The following MYO1A variants were observed in gnomAD, a reference collection of about 807,000 sequenced individuals.
MYO1A encodes myosin IA, also known as unconventional myosin-Ia.
In MYO1A, 127 loss-of-function variants were observed where a neutral mutation model predicts 138.5. The observed-to-expected ratio is 0.92, with a 90% confidence interval of 0.79 to 1.06. The LOEUF (loss-of-function observed/expected upper bound fraction) is 1.06, where lower values mean the gene tolerates loss of function less well. Among genes scored for constraint, MYO1A ranks in the 50% least tolerant of loss-of-function variants. The pLI, the probability that MYO1A is intolerant of heterozygous loss-of-function variation, is 0.00. For missense variants in MYO1A, 1,211 were observed against 1,288.8 expected (o/e 0.94, Z 0.92); for synonymous variants, 477 against 497.5 (o/e 0.96, Z 0.55).
At chr12:57,048,486 C>A in intron 1 of MYO1A, 143 bp from the exon 2 acceptor site, 1 of 662,770 alleles carries the variant, frequency 1.5e-6, no homozygotes, top group East Asian at 2.7e-5. Flanking sequence ...CTAGGAGAGG[C>A]CTCTGGACCA....
chr12:57,036,183 T>G (rs897169368), intron 22 of MYO1A, 124 bp downstream of exon 22: 8 of 967,908 alleles, frequency 8.3e-6, no homozygotes, highest in Non-Finnish European at 1.3e-5. Flanking sequence ...TCCTAGGACT[T>G]AAGTACATGC....
At chr12:57,033,829 A>G (rs2030404581) in intron 22 of MYO1A, among the ~76,000 whole-genome samples, 1 of 152,250 alleles carries the variant, frequency 6.6e-6, no homozygotes, top group South Asian at 2.1e-4. Context: ...GGCAGAATAC[A>G]TAGTATATTG....
At chr12:57,035,270 G>A (rs1379060028) in intron 22 of MYO1A, among the ~76,000 whole-genome samples, 1 of 152,210 alleles carries the variant, frequency 6.6e-6, no homozygotes, top group Non-Finnish European at 1.5e-5. Context: ...AGCATGTATG[G>A]TGGGAAGGCA....
chr12:57,030,727 G>T (rs542653096), intron 23 of MYO1A, among the ~76,000 whole-genome samples: 1 of 152,320 alleles, frequency 6.6e-6, no homozygotes, highest in Non-Finnish European at 1.5e-5. Flanking sequence ...ACAGAAAGTA[G>T]ATTATAAGAT....
rs138440542 is a variant in MYO1A at position 57,047,747 on chromosome 12, CTA to C, written c.231-28_231-27del. 176 of 1,613,760 alleles carry C rather than the reference CTA, an allele frequency of 1.1e-4. No homozygotes were observed. In the African/African-American group the frequency reaches 2.0e-3, roughly 19 times the overall value. On this transcript the variant is annotated intron_variant, in intron 3 of 27. Transcript: ENST00000300119. The stretch of plus-strand genomic sequence containing the variant: ...CTTGTGGGGAGGAAGTGGGCAATGA[CTA>C]TTGTGAAACCAGTTCAAGACACCAT...
chr12:57,031,438 G>C (rs2030281339), intron 22 of MYO1A, among the ~76,000 whole-genome samples: 1 of 152,202 alleles, frequency 6.6e-6, no homozygotes. Context: ...ACCCAGGGCA[G>C]TGAGGTAAGA....
At position 57,050,021 on chromosome 12, in the gene MYO1A, A is replaced by C. The variant is rs2031282499; in HGVS notation, c.-155T>G. The C allele has an allele frequency of 6.6e-6, 1 of 152,360 alleles. No homozygotes were observed. The highest frequency in any genetic ancestry group is 6.5e-5 in the Admixed American group (1 of 15,286). The allele number at this position is 152,360 out of a possible 1,614,324, so 9.4% of individuals were successfully genotyped here. On this transcript the variant is annotated 5_prime_UTR_variant, in exon 1 of 28. Transcript: ENST00000300119. ...CTTAATGGGAGCTGTCCATGGTGCA[A>C]GGAAGCTGGGAAAAAGGCTGCCCTC...
In MYO1A at chr12:57,048,324, G is replaced by A. The variant is rs2031210733; in HGVS notation, c.-1C>T. On this transcript the variant is annotated 5_prime_UTR_variant, in exon 2 of 28. Coordinates refer to ENST00000300119, the MANE Select transcript of MYO1A (RefSeq NM_005379.4). Reference sequence around the variant, plus strand: ...CCACAGAACCTTCCAGGAGAGGCATGTCCAGAGGGGCCACTGATCCTGGGA... The same window carrying A: ...CCACAGAACCTTCCAGGAGAGGCATATCCAGAGGGGCCACTGATCCTGGGA... 6.2e-7 allele frequency: 1 copy of A among 1,607,670 alleles called. No individual in the cohort carries two copies. The highest frequency in any genetic ancestry group is 8.5e-7 in the Non-Finnish European group (1 of 1,174,160).
Position 57,038,554 on chromosome 12 carries a change from G to C in MYO1A, c.1618C>G (p.His540Asp). ...GGAAACAAGGACCGAAGGAGGGGGT[G>C]CTGGGCCTTCCACATGGCCTGCAAC... ...DLLQAMWKAQHPLLRSLFPEG... is the reference protein window; with the variant it reads ...DLLQAMWKAQDPLLRSLFPEG... Residue 540 changes from histidine to aspartate, a missense_variant, in exon 17 of 28, where the codon CAC (histidine) becomes GAC (aspartate). Transcript: ENST00000300119. 6.2e-7 allele frequency: 1 copy of C among 1,614,222 alleles called. No individual in the cohort carries two copies.
chr12:57,042,976 A>G, intron 12 of MYO1A, 96 bp downstream of exon 12: 1 of 1,171,352 alleles, frequency 8.5e-7, no homozygotes, highest in Non-Finnish European at 1.3e-6. Flanking sequence ...CATCCTCCCT[A>G]CTCTGCTCAT....
rs768578155 is a variant in MYO1A at position 57,039,285 on chromosome 12, G to A, written c.1270-11C>T. 2.5e-6 allele frequency: 4 copies of A among 1,612,212 alleles called. No individual in the cohort carries two copies. In the Admixed American group the frequency reaches 5.0e-5, roughly 20 times the overall value. ...TGTCCACGGTATGCCCTGGTCAGGG[G>A]AGACAACAAATTACAGGGAACACGT... On this transcript the variant is annotated splice_polypyrimidine_tract_variant and intron_variant, in intron 14 of 27. Coordinates refer to ENST00000300119, the MANE Select transcript of MYO1A (RefSeq NM_005379.4).
rs138116351 is a variant in MYO1A, at chr12:57,038,398, T to G, written c.1760+14A>C. On this transcript the variant is annotated intron_variant, in intron 17 of 27. Coordinates refer to ENST00000300119, the MANE Select transcript of MYO1A (RefSeq NM_005379.4). ...CACATATGTAGCATGTTCCCCTGCA[T>G]GCCAGCATGTCACCTGATGTAGTTG... 5.6e-6 allele frequency: 9 copies of G among 1,613,334 alleles called. No homozygotes were observed. Among genetic ancestry groups the G allele is most frequent in the Non-Finnish European group, 5.1e-6 (6 of 1,179,374 alleles).
chr12:57,029,262 T>C lies in MYO1A; in HGVS notation c.2878-3A>G. Reference sequence around the variant, plus strand: ...CCCTTGGAGCCCACCGATGACATCTTAGGAAGAGGGAAAAATAGCAGGAAA... The same window carrying C: ...CCCTTGGAGCCCACCGATGACATCTCAGGAAGAGGGAAAAATAGCAGGAAA... On this transcript the variant is annotated splice_polypyrimidine_tract_variant and splice_region_variant and intron_variant, in intron 26 of 27. Transcript: ENST00000300119. 6.2e-7 allele frequency: 1 copy of C among 1,614,002 alleles called. No homozygotes were observed. The highest frequency in any genetic ancestry group is 8.5e-7 in the Non-Finnish European group (1 of 1,179,992).
intron 23 of MYO1A, among the ~76,000 whole-genome samples, chr12:57,030,804 G>T (rs1182205499): frequency 6.6e-6 from 1 of 152,132 alleles, no homozygotes; most frequent in Non-Finnish European, 1.5e-5. Context: ...TCAGTTTGGG[G>T]TGATGAAAAA....
chr12:57,028,928 C>T (rs944466855), intron 27 of MYO1A, 47 bp from the exon 28 acceptor site: 12 of 1,606,786 alleles, frequency 7.5e-6, no homozygotes, highest in East Asian at 2.2e-5. Flanking sequence ...CCCCTCACCC[C>T]GACTCCCGCA....
In MYO1A at chr12:57,043,102, C is replaced by T. The variant is rs972740929; in HGVS notation, c.1068G>A (p.Trp356Ter). ...TGCTCTCATTGATTCGATTCACTAT[C>T]CAGTCAAAGAGGCGGCTGTAGATGT... is the stretch of plus-strand genomic sequence containing the variant. Reference protein sequence around the residue: ...AKNIYSRLFDWIVNRINESIK... With the variant: ...AKNIYSRLFD Residue 356 changes from tryptophan to a stop codon, truncating the protein, a stop_gained, in exon 12 of 28, where the codon TGG becomes TGA. Transcript: ENST00000300119. LOFTEE classifies it high-confidence loss of function. 1.9e-6 allele frequency: 3 copies of T among 1,614,058 alleles called. No homozygotes were observed. Among genetic ancestry groups the T allele is most frequent in the Non-Finnish European group, 2.5e-6 (3 of 1,180,036 alleles).
chr12:57,043,426 G>T, intron 10 of MYO1A, 68 bp from the exon 11 acceptor site: 1 of 1,467,192 alleles, frequency 6.8e-7, no homozygotes. Context: ...AGTGCAATCT[G>T]ATAAGTGAAA....
rs1444696892 is a variant in MYO1A, at chr12:57,046,905, A to C, written c.499T>G (p.Phe167Val). 2 of 1,614,126 alleles carry C rather than the reference A, an allele frequency of 1.2e-6. No homozygotes were observed. The highest frequency in any genetic ancestry group is 8.5e-7 in the Non-Finnish European group (1 of 1,180,024). ...SRFGKYMDIEFDFKGSPLGGV... is the reference protein window; with the variant it reads ...SRFGKYMDIEVDFKGSPLGGV... ...CCGAGGGGGGATCCCTTGAAGTCAA[A>C]TTCAATATCCATGTATTTTCCCTTC... The change falls in exon 7 of 28, where the codon TTT becomes GTT. Residue 167 changes from phenylalanine to valine, a missense_variant. Transcript: ENST00000300119.
chr12:57,047,987 A>C lies in MYO1A; in HGVS notation c.230+2T>G. On this transcript the variant is annotated splice_donor_variant, in intron 3 of 27. Transcript: ENST00000300119. LOFTEE classifies it high-confidence loss of function. ...CAGCCTTCCCTTGGTCCCCCTACTC[A>C]CATATGGGGCTTCAGCTCATAGAAA... 1 of 1,609,262 alleles carries C rather than the reference A, an allele frequency of 6.2e-7. No individual in the cohort carries two copies. The highest frequency in any genetic ancestry group is 1.1e-5 in the South Asian group (1 of 90,974).
Sources: allele counts gnomAD v4.1 joint callset (sites outside exome capture counted in the v4.1 genomes callset), GRCh38; gene constraint gnomAD v4.1.1; transcripts MANE v1.5; gene names NCBI Gene and HGNC (gene_info 2026-07-23, HGNC 2026-07-21).